KIZ: variants seen among roughly 807,000 people sequenced by gnomAD.
KIZ encodes the protein centrosomal protein kizuna.
In KIZ, 68 loss-of-function variants were observed where a neutral mutation model predicts 79.6. The ratio of observed to expected loss-of-function variants is 0.85; its 90% CI spans 0.70 to 1.05. The LOEUF (loss-of-function observed/expected upper bound fraction) is 1.05. Among genes scored for constraint, KIZ ranks in the 50% least tolerant of loss-of-function variants. The pLI is 0.00. For synonymous variants in KIZ, 280 were observed against 281.8 expected (o/e 0.99, Z 0.06); for missense variants, 797 against 800.4 (o/e 1.00, Z 0.05).
intron 8 of KIZ, 140 bp from the exon 9 acceptor site, chr20:21,215,443 T>G: frequency 2.3e-6 from 1 of 429,636 alleles, no homozygotes; most frequent in East Asian, 3.5e-5. Flanking sequence ...ATAGGTTTCC[T>G]TTTAGGAACA....
At chr20:21,193,299 C>G (rs2035194784) in intron 6 of KIZ, among the ~76,000 whole-genome samples, 1 of 152,178 alleles carries the variant, frequency 6.6e-6, no homozygotes, top group Non-Finnish European at 1.5e-5. Context: ...AAAGATAACA[C>G]TGGCAGGAAT....
chr20:21,183,011 G>T (rs2034724800), intron 6 of KIZ, among the ~76,000 whole-genome samples: 1 of 152,094 alleles, frequency 6.6e-6, no homozygotes, highest in South Asian at 2.1e-4. Flanking sequence ...TTATACAAGG[G>T]AGAGGTTGAT....
At chr20:21,127,873 T>A (rs141282591) in intron 1 of KIZ, among the ~76,000 whole-genome samples, 61 of 152,342 alleles carry the variant, frequency 4.0e-4, no homozygotes, top group African/African-American at 1.5e-3. Flanking sequence ...GCCACAGATT[T>A]TTTTCTTTCT....
intron 6 of KIZ, chr20:21,166,498 G>A: frequency 2.6e-6 from 4 of 1,563,530 alleles, no homozygotes; most frequent in Non-Finnish European, 3.5e-6. Flanking sequence ...ACCGGACGAT[G>A]ACTTTGGAGC....
chr20:21,204,855 A>G (rs1394793043), intron 6 of KIZ, among the ~76,000 whole-genome samples: 2 of 152,262 alleles, frequency 1.3e-5, no homozygotes, highest in African/African-American at 2.4e-5. Flanking sequence ...CAAAACAACA[A>G]CAACAAAACA....
chr20:21,227,368 G>A (rs1443175355), intron 9 of KIZ, among the ~76,000 whole-genome samples: 1 of 152,124 alleles, frequency 6.6e-6, no homozygotes, highest in Non-Finnish European at 1.5e-5. Flanking sequence ...CCAGTGGCCA[G>A]GAGGCTTTGT....
chr20:21,187,616 C>G (rs576595425), intron 6 of KIZ, among the ~76,000 whole-genome samples: 1 of 152,298 alleles, frequency 6.6e-6, no homozygotes, highest in Non-Finnish European at 1.5e-5. Flanking sequence ...TGAGCCTCCT[C>G]GTCTCCTCTC....
At position 21,145,653 on chromosome 20, in the gene KIZ, A is replaced by G. The variant is rs1280957230; in HGVS notation, c.404A>G (p.Lys135Arg). 1.4e-6 allele frequency: 2 copies of G among 1,424,496 alleles called. No homozygotes were observed. The highest frequency in any genetic ancestry group is 2.6e-5 in the South Asian group (2 of 75,992). The allele number at this position is 1,424,496 out of a possible 1,614,324, so 88.2% of individuals were successfully genotyped here. A position where few individuals can be genotyped will look rare whatever the true frequency, so the allele number is the denominator to read the frequency against. ...GAACTGACAGATGAAGACAGAGAAA[A>G]GGTAATAAACTAAATTGGTAACCTT... ...KEELTDEDRE[K>R]VAVHEGINSG... Residue 135 changes from lysine (K) to arginine (R), a missense_variant and splice_region_variant, in exon 4 of 13, where the codon AAG becomes AGG. Physicochemically the swap from Lys to Arg is conservative, Grantham distance 26 (BLOSUM62 2). Transcript: ENST00000619189.
intron 2 of KIZ, among the ~76,000 whole-genome samples, chr20:21,135,247 T>G (rs1433153213): frequency 6.6e-6 from 1 of 152,170 alleles, no homozygotes; most frequent in Non-Finnish European, 1.5e-5. Context: ...AGAATTTGGA[T>G]GGAGAAGGCA....
At chr20:21,126,011 C>T (rs913946073), upstream of KIZ, 2 of 1,331,070 alleles carry the variant, frequency 1.5e-6, no homozygotes, top group Non-Finnish European at 1.9e-6. Context: ...CTGCAGGCGG[C>T]CCGGCGCGGT....
At chr20:21,188,844 C>T (rs1285192522) in intron 6 of KIZ, among the ~76,000 whole-genome samples, 3 of 151,870 alleles carry the variant, frequency 2.0e-5, no homozygotes, top group South Asian at 2.1e-4. Flanking sequence ...AGACTACAGG[C>T]GCCTGCCACC....
intron 10 of KIZ, among the ~76,000 whole-genome samples, chr20:21,230,529 A>G (rs1177350883): frequency 1.3e-5 from 2 of 152,214 alleles, no homozygotes; most frequent in Non-Finnish European, 2.9e-5. Flanking sequence ...CTTACAGTAC[A>G]TCAGACTTAG....
At position 21,166,570 on chromosome 20, in the gene KIZ, A is replaced by G. The variant is rs907198781; in HGVS notation, c.1352+3411A>G. The G allele has an allele frequency of 1.8e-5, 26 of 1,405,660 alleles. No homozygotes were observed. In the African/African-American group the frequency reaches 3.4e-4, roughly 18 times the overall value. 87.1% of individuals were successfully genotyped at this position (1,405,660 alleles called of 1,614,324 possible). The stretch of plus-strand genomic sequence containing the variant: ...CGGCATTGTTGATGGTCTTGAGAGC[A>G]TCTGCCAGGACATTCATGCGCACCA... On this transcript the variant is annotated intron_variant, in intron 6 of 12. Transcript: ENST00000619189.
chr20:21,234,294 G>T (rs560707709), intron 11 of KIZ, among the ~76,000 whole-genome samples: 2 of 150,870 alleles, frequency 1.3e-5, no homozygotes, highest in African/African-American at 4.9e-5. Flanking sequence ...TATCGTTTCC[G>T]TATGAAATTA....
At chr20:21,130,906 G>A (rs976038643) in intron 1 of KIZ, among the ~76,000 whole-genome samples, 1 of 152,220 alleles carries the variant, frequency 6.6e-6, no homozygotes, top group Admixed American at 6.5e-5. Context: ...GGAGCATGGG[G>A]CCAGCCCCTT....
At chr20:21,136,665 T>TAAGACAGGAGGACTGCTTGAGCC in intron 3 of KIZ, 113 bp downstream of exon 3, 1 of 691,228 alleles carries the variant, frequency 1.4e-6, no homozygotes, top group Non-Finnish European at 2.3e-6. Context: ...ACACCTGGGC[T>TAAGACAGGAGGACTGCTTGAGCC]CAAGCAGTCC....
intron 11 of KIZ, among the ~76,000 whole-genome samples, chr20:21,237,245 T>G (rs189922571): frequency 7.0e-6 from 1 of 142,482 alleles, no homozygotes; most frequent in Non-Finnish European, 1.5e-5. Flanking sequence ...GAGGTTGCAG[T>G]GCATCGAGAT....
At chr20:21,214,742 C>T in intron 8 of KIZ, 42 bp downstream of exon 8, 4 of 1,319,892 alleles carry the variant, frequency 3.0e-6, no homozygotes, top group Non-Finnish European at 4.4e-6. Flanking sequence ...AAAAGGCATT[C>T]AGGGTCATCA....
rs2037317766 is a variant in KIZ at position 21,244,283 on chromosome 20, C to A, written c.1919C>A (p.Ser640Tyr). The change falls in exon 12 of 13, where the codon TCT becomes TAT. Residue 640 changes from serine (S) to tyrosine (Y), a missense_variant. By Grantham distance (144) the Ser-to-Tyr change is moderately radical. Transcript: ENST00000619189. ...NKKKPVINLK[S>Y]NALWDESDDS... ...AAGAAACCCGTGATCAATTTAAAATCTAATGGTGAGAGAGATAATCGGACA... is the reference window on the plus strand; with the variant it reads ...AAGAAACCCGTGATCAATTTAAAATATAATGGTGAGAGAGATAATCGGACA... 6.3e-7 allele frequency: 1 copy of A among 1,595,214 alleles called. No homozygotes were observed. The highest frequency in any genetic ancestry group is 8.6e-7 in the Non-Finnish European group (1 of 1,163,502).
Sources: allele counts gnomAD v4.1 joint callset (sites outside exome capture counted in the v4.1 genomes callset), GRCh38; gene constraint gnomAD v4.1.1; transcripts MANE v1.5; gene names NCBI Gene and HGNC (gene_info 2026-07-23, HGNC 2026-07-21).